The following SEMA4D variants were observed in gnomAD, a reference collection of about 807,000 sequenced individuals.
The protein encoded by SEMA4D is semaphorin 4D.
SEMA4D carries 22 observed loss-of-function variants against 74.8 expected under a neutral mutation model. That is an observed-to-expected ratio of 0.29 (90% CI 0.21 to 0.42). SEMA4D has a LOEUF of 0.42. SEMA4D is among the 10% of genes least tolerant of loss of function. SEMA4D has a pLI of 1.00. For synonymous variants in SEMA4D, 445 were observed against 463.7 expected, an observed-to-expected ratio of 0.96 and a Z score of 0.52; for missense variants, 937 against 1,118.4, an observed-to-expected ratio of 0.84 and a Z score of 2.31.
At chr9:89,488,350 A>ATTTTTT (rs1222488409) in intron 1 of SEMA4D, among the ~76,000 whole-genome samples, 24 of 80,394 alleles carry the variant, frequency 3.0e-4, no homozygotes, top group Non-Finnish European at 5.9e-4. Flanking sequence ...TGGATCACAG[A>ATTTTTT]TCTTTTTTTT....
chr9:89,466,727 C>G (rs1858825038), intron 1 of SEMA4D, among the ~76,000 whole-genome samples: 1 of 152,208 alleles, frequency 6.6e-6, no homozygotes, highest in African/African-American at 2.4e-5. Context: ...TGGTCTGCAG[C>G]CTACATGGAC....
intron 2 of SEMA4D, among the ~76,000 whole-genome samples, chr9:89,432,800 G>C (rs1280003961): frequency 6.6e-6 from 1 of 152,228 alleles, no homozygotes; most frequent in Non-Finnish European, 1.5e-5. Flanking sequence ...ATACAGTGTA[G>C]CCACTGTGGG....
intron 16 of SEMA4D, chr9:89,364,129 C>T (rs2132233249): frequency 7.7e-7 from 1 of 1,298,502 alleles, no homozygotes; most frequent in East Asian, 2.5e-5. Flanking sequence ...CAGCGGGAGC[C>T]TTGGCCTTGG....
chr9:89,491,566 C>G (rs2136275190), intron 1 of SEMA4D, among the ~76,000 whole-genome samples: 1 of 144,048 alleles, frequency 6.9e-6, no homozygotes, highest in East Asian at 2.1e-4. Context: ...AAGACTCTGT[C>G]TCAAAAACAA....
chr9:89,489,509 C>A (rs977951713), intron 1 of SEMA4D, among the ~76,000 whole-genome samples: 12 of 152,186 alleles, frequency 7.9e-5, no homozygotes, highest in Non-Finnish European at 1.3e-4. Context: ...CCCATTCCCC[C>A]ACCTCCCCAG....
intron 2 of SEMA4D, among the ~76,000 whole-genome samples, chr9:89,453,950 C>T (rs933913616): frequency 1.1e-4 from 16 of 151,546 alleles, no homozygotes; most frequent in African/African-American, 3.6e-4. Context: ...CTCAGCCTCC[C>T]GGGTTCACGC....
chr9:89,402,411 G>A (rs766510804), intron 4 of SEMA4D, among the ~76,000 whole-genome samples: 1 of 152,154 alleles, frequency 6.6e-6, no homozygotes, highest in African/African-American at 2.4e-5. Flanking sequence ...ATCCACAAGA[G>A]TCGGTGAAAT....
intron 1 of SEMA4D, among the ~76,000 whole-genome samples, chr9:89,496,844 G>T (rs1826057367): frequency 6.6e-6 from 1 of 152,226 alleles, no homozygotes; most frequent in African/African-American, 2.4e-5. Flanking sequence ...CCCAGGAAAG[G>T]AAACTTCCGT....
intron 1 of SEMA4D, among the ~76,000 whole-genome samples, chr9:89,464,063 T>C (rs556594372): frequency 4.6e-5 from 7 of 152,234 alleles, no homozygotes; most frequent in Non-Finnish European, 1.0e-4. Context: ...TATGTGCTTT[T>C]CTTAAATTTC....
At chr9:89,495,018 G>A (rs1825899484) in intron 1 of SEMA4D, among the ~76,000 whole-genome samples, 1 of 152,178 alleles carries the variant, frequency 6.6e-6, no homozygotes, top group Non-Finnish European at 1.5e-5. Context: ...GCCTGGATCA[G>A]GCTTTGATCG....
At chr9:89,407,890 T>C (rs1048239682) in intron 2 of SEMA4D, among the ~76,000 whole-genome samples, 1 of 152,256 alleles carries the variant, frequency 6.6e-6, no homozygotes, top group Non-Finnish European at 1.5e-5. Context: ...TAAATCCCAC[T>C]GCACAGTCTC....
chr9:89,379,246 G>C lies in SEMA4D; in HGVS notation c.2047C>G (p.Pro683Ala), dbSNP rs755506172. The change falls in exon 16 of 16, where the codon CCA (proline) becomes GCA (alanine). Residue 683 changes from proline (P) to alanine (A), a missense_variant. Pro to Ala is a conservative substitution (Grantham distance 27, BLOSUM62 -1). Transcript: ENST00000422704. ...GAGGTGGCCTGCACGGCTGGGGTTG[G>C]GGGAGAAGACCCTTGGGTGGATGCC... is the stretch of plus-strand genomic sequence containing the variant. ...LVASTQGSSP[P>A]TPAVQATSSG... The C allele has an allele frequency of 1.9e-6, 3 of 1,613,944 alleles. No homozygotes were observed. The South Asian group carries it at 3.3e-5, about 18-fold the overall frequency.
At chr9:89,496,760 C>A (rs1037483088) in intron 1 of SEMA4D, among the ~76,000 whole-genome samples, 1 of 152,236 alleles carries the variant, frequency 6.6e-6, no homozygotes, top group Non-Finnish European at 1.5e-5. Context: ...CAAATAACCT[C>A]GCCTGGGCAG....
rs1226257941 is a variant in SEMA4D, at chr9:89,377,887, A to C, written c.*817T>G. 1 of 152,216 alleles carries C rather than the reference A, an allele frequency of 6.6e-6. No individual in the cohort carries two copies. The highest frequency in any genetic ancestry group is 2.4e-5 in the African/African-American group (1 of 41,384). The allele number at this position is 152,216 out of a possible 1,614,324, so 9.4% of individuals were successfully genotyped here. A position where few individuals can be genotyped will look rare whatever the true frequency, so the allele number is the denominator to read the frequency against. ...GAAGGTCCTCTTCTTCGAGAGAGTA[A>C]AAGTTAAAAAAAAAGAAAAGTAAAA... On this transcript the variant is annotated 3_prime_UTR_variant, in exon 16 of 16. Coordinates refer to ENST00000422704, the MANE Select transcript of SEMA4D (RefSeq NM_001371194.2).
chr9:89,416,398 C>T (rs1845711911), intron 2 of SEMA4D, among the ~76,000 whole-genome samples: 1 of 152,238 alleles, frequency 6.6e-6, no homozygotes, highest in African/African-American at 2.4e-5. Flanking sequence ...ATTACAAAGA[C>T]TAAAGCTGGT....
chr9:89,386,480 G>A lies in SEMA4D; in HGVS notation c.1333C>T (p.Arg445Trp), dbSNP rs769371855. 43 of 1,611,676 alleles carry A rather than the reference G, an allele frequency of 2.7e-5. No individual in the cohort carries two copies. The highest frequency in any genetic ancestry group is 6.7e-5 in the Admixed American group (4 of 59,940). Residue 445 changes from arginine to tryptophan, a missense_variant and splice_region_variant, in exon 13 of 16, where the codon CGG becomes TGG. Physicochemically the swap from Arg to Trp is moderately radical, Grantham distance 101 (BLOSUM62 -3). Transcript: ENST00000422704. ...CTGATGGCTTTGTGCAGAGCTCCCC[G>A]GTCTGCAGGGCCAAAGCTACAGGTC... ...VYDVMFVSTDRGALHKAISLE... is the reference protein window; with the variant it reads ...VYDVMFVSTDWGALHKAISLE...
chr9:89,413,306 T>G (rs945376304), intron 2 of SEMA4D, among the ~76,000 whole-genome samples: 24 of 152,330 alleles, frequency 1.6e-4, no homozygotes, highest in African/African-American at 5.8e-4. Context: ...CTCTTTTGCC[T>G]GTCAGTACTT....
At chr9:89,416,784 T>C (rs1034708548) in intron 2 of SEMA4D, among the ~76,000 whole-genome samples, 2 of 152,200 alleles carry the variant, frequency 1.3e-5, no homozygotes, top group Non-Finnish European at 1.5e-5. Context: ...CATGAAGAGA[T>C]TATGTTTCAC....
In SEMA4D at chr9:89,462,466, A is replaced by T. The variant is rs1857478879; in HGVS notation, c.-309-6513T>A. Among the ~76,000 whole-genome samples the T allele has an allele frequency of 2.0e-5, 3 of 152,354 alleles. No individual in the cohort carries two copies. In the South Asian group the frequency reaches 6.2e-4, roughly 32 times the overall value. On this transcript the variant is annotated intron_variant, in intron 1 of 15. Transcript: ENST00000422704. Reference sequence around the variant, plus strand: ...GAGCAACGGCAGGCAACCGGCTGATAAAATGTGGAAATGTTTTTCCCTGTG... The same window carrying T: ...GAGCAACGGCAGGCAACCGGCTGATTAAATGTGGAAATGTTTTTCCCTGTG...
Sources: allele counts gnomAD v4.1 joint callset (sites outside exome capture counted in the v4.1 genomes callset), GRCh38; gene constraint gnomAD v4.1.1; transcripts MANE v1.5; gene names NCBI Gene and HGNC (gene_info 2026-07-23, HGNC 2026-07-21).